The following FGFBP1 variants were observed in gnomAD, a reference collection of about 807,000 sequenced individuals.
The protein encoded by FGFBP1 is fibroblast growth factor binding protein 1.
A neutral mutation model predicts 14.6 loss-of-function variants in FGFBP1; 12 were observed. The observed-to-expected ratio is 0.82, with a 90% CI of 0.53 to 1.33. The LOEUF is 1.33. Among genes scored for constraint, FGFBP1 ranks in the 40% most tolerant of loss-of-function variants. The pLI is 0.00. For missense variants in FGFBP1, 317 were observed against 271.8 expected, an observed-to-expected ratio of 1.17 and a Z score of -1.17; for synonymous variants, 117 against 105.0, an observed-to-expected ratio of 1.11 and a Z score of -0.70.
intron 2 of FGFBP1, among the ~76,000 whole-genome samples, chr4:15,937,335 G>T (rs918950549): frequency 1.3e-5 from 2 of 152,128 alleles, no homozygotes; most frequent in Non-Finnish European, 2.9e-5. Context: ...CTTTTTGTGG[G>T]GAAGTAAGAG....
Sources: allele counts gnomAD v4.1 joint callset (sites outside exome capture counted in the v4.1 genomes callset), GRCh38; gene constraint gnomAD v4.1.1; transcripts MANE v1.5; gene names NCBI Gene and HGNC (gene_info 2026-07-23, HGNC 2026-07-21).